Variants in UBAP2 observed in about 807,000 individuals in gnomAD.
UBAP2 encodes the protein ubiquitin associated protein 2.
In UBAP2, 75 loss-of-function variants were observed where a neutral mutation model predicts 139.6. The observed-to-expected ratio is 0.54, with a 90% CI of 0.45 to 0.65. The LOEUF is 0.65. Ranked by LOEUF, UBAP2 falls within the 30% of genes least tolerant of loss-of-function variation. The pLI is 0.00. For missense variants in UBAP2, 1,368 were observed against 1,369.6 expected (o/e 1.00, Z 0.02); for synonymous variants, 526 against 526.2 (o/e 1.00, Z 0.01).
At position 33,923,052 on chromosome 9, in the gene UBAP2, G is replaced by T. The variant is rs535934710; in HGVS notation, c.3005-19C>A. ...GATACTCCTAGGAGGAAAAGCAGTTGTTCCCCACAGCAGTTGTTCCCAGCT... is the reference window on the plus strand; with the variant it reads ...GATACTCCTAGGAGGAAAAGCAGTTTTTCCCCACAGCAGTTGTTCCCAGCT... On this transcript the variant is annotated intron_variant, in intron 26 of 28. Coordinates refer to ENST00000379238, the MANE Select transcript of UBAP2 (RefSeq NM_001370062.2). 10 of 1,614,068 alleles carry T rather than the reference G, an allele frequency of 6.2e-6. No homozygotes were observed. Among genetic ancestry groups the T allele is most frequent in the South Asian group, 1.1e-5 (1 of 91,086 alleles).
Position 33,922,322 on chromosome 9 carries a change from T to A in UBAP2, c.*182A>T, listed in dbSNP as rs1461461785. The stretch of plus-strand genomic sequence containing the variant: ...ACTCCCCCCCAGACTTCTATCACAT[T>A]TACAAATACATACATAAATACATTA... On this transcript the variant is annotated 3_prime_UTR_variant, in exon 29 of 29. Coordinates refer to ENST00000379238, the MANE Select transcript of UBAP2 (RefSeq NM_001370062.2). 1 of 627,088 alleles carries A rather than the reference T, an allele frequency of 1.6e-6. No individual in the cohort carries two copies. Among genetic ancestry groups the A allele is most frequent in the Non-Finnish European group, 2.8e-6 (1 of 360,082 alleles). 38.8% of individuals were successfully genotyped at this position (627,088 alleles called of 1,614,324 possible).
intron 1 of UBAP2, among the ~76,000 whole-genome samples, chr9:34,024,801 T>C (rs10122282): frequency 3.7e-4 from 57 of 152,170 alleles, no homozygotes; most frequent in African/African-American, 1.2e-3. Context: ...CTGGCAAACA[T>C]GGCGAAACCC....
intron 2 of UBAP2, among the ~76,000 whole-genome samples, chr9:34,012,416 AGCTAC>A (rs1823830486): frequency 6.6e-6 from 1 of 152,114 alleles, no homozygotes; most frequent in South Asian, 2.1e-4. Flanking sequence ...CTATAATCCC[AGCTAC>A]TCGGGAGGCT....
At chr9:33,944,923 C>G (rs1019329586) in intron 13 of UBAP2, among the ~76,000 whole-genome samples, 1 of 152,142 alleles carries the variant, frequency 6.6e-6, no homozygotes, top group Non-Finnish European at 1.5e-5. Flanking sequence ...TGACCATTAG[C>G]TAACAGAGAA....
chr9:33,976,218 C>T (rs1010608516), intron 6 of UBAP2, among the ~76,000 whole-genome samples: 1 of 151,774 alleles, frequency 6.6e-6, no homozygotes, highest in Admixed American at 6.6e-5. Context: ...ATTAAACAAG[C>T]TACAAAACAA....
At chr9:33,950,135 G>A (rs543087600) in intron 12 of UBAP2, among the ~76,000 whole-genome samples, 5 of 151,768 alleles carry the variant, frequency 3.3e-5, no homozygotes, top group Non-Finnish European at 7.4e-5. Flanking sequence ...GCGCGATCTC[G>A]GCTCACTGCA....
intron 5 of UBAP2, 105 bp from the exon 6 acceptor site, chr9:33,986,942 C>CA (rs1821268933): frequency 2.0e-6 from 2 of 988,408 alleles, no homozygotes; most frequent in African/African-American, 3.2e-5. Flanking sequence ...AAACAGGCTA[C>CA]AATTTAAACA....
intron 6 of UBAP2, among the ~76,000 whole-genome samples, chr9:33,982,886 T>G (rs984651248): frequency 2.6e-5 from 4 of 151,566 alleles, no homozygotes; most frequent in African/African-American, 7.3e-5. Context: ...TTTTGTTTTT[T>G]TTTTTTTGTT....
intron 1 of UBAP2, among the ~76,000 whole-genome samples, chr9:34,025,569 C>A (rs1299127154): frequency 6.6e-6 from 1 of 151,936 alleles, no homozygotes; most frequent in African/African-American, 2.4e-5. Context: ...ACAAAATCAG[C>A]AAAATATAAT....
chr9:33,949,706 T>A lies in UBAP2; in HGVS notation c.1057-1119A>T, dbSNP rs1463914160. ...TGACAGAGCTTAGACTCGTCTCTCA[T>A]GTGTGTGTGCGCGCATGCACGCGCA... On this transcript the variant is annotated intron_variant, in intron 12 of 28. Transcript: ENST00000379238. 5.2e-5 allele frequency among the ~76,000 whole-genome samples: 6 copies of A among 116,484 alleles called. No individual in the cohort carries two copies. The East Asian group carries it at 1.2e-3, about 23-fold the overall frequency. 76.4% of individuals were successfully genotyped at this position (116,484 alleles called of 152,430 possible).
intron 2 of UBAP2, among the ~76,000 whole-genome samples, chr9:34,015,674 T>C (rs1824187202): frequency 6.6e-6 from 1 of 152,056 alleles, no homozygotes; most frequent in Admixed American, 6.6e-5. Flanking sequence ...TCAAGCACTC[T>C]TCCTTGTGCT....
intron 22 of UBAP2, among the ~76,000 whole-genome samples, chr9:33,925,902 AG>A (rs1823388291): frequency 1.3e-5 from 2 of 152,222 alleles, no homozygotes; most frequent in South Asian, 4.1e-4. Context: ...GCAAGAAGAC[AG>A]TGGCTCCCAG....
chr9:34,019,382 G>A (rs928576554), intron 1 of UBAP2, among the ~76,000 whole-genome samples: 11 of 152,044 alleles, frequency 7.2e-5, no homozygotes, highest in South Asian at 4.2e-4. Context: ...CAGCCTGGGC[G>A]ACAGAGCAAA....
At chr9:33,980,234 T>C (rs1434133038) in intron 6 of UBAP2, among the ~76,000 whole-genome samples, 1 of 99,798 alleles carries the variant, frequency 1.0e-5, no homozygotes, top group Admixed American at 1.1e-4. Flanking sequence ...TTTTTTTTTT[T>C]TTTTTTTTTT....
intron 8 of UBAP2, among the ~76,000 whole-genome samples, chr9:33,969,921 C>CTTT (rs1173625005): frequency 1.7e-4 from 8 of 46,150 alleles, no homozygotes; most frequent in African/African-American, 2.7e-4. Flanking sequence ...GTGTATAATT[C>CTTT]TTTTTTTTTT....
chr9:33,944,514 G>A lies in UBAP2; in HGVS notation c.1396C>T (p.Arg466Ter), dbSNP rs757022773. Residue 466 changes from arginine to a stop codon, truncating the protein, a stop_gained, in exon 14 of 29, where the codon CGA becomes TGA. Coordinates refer to ENST00000379238, the MANE Select transcript of UBAP2 (RefSeq NM_001370062.2). LOFTEE classifies it high-confidence loss of function. The stretch of plus-strand genomic sequence containing the variant: ...GGACTGTCTCCAGGTGTTGATTCTC[G>A]AAGTTTTGCCTGGGAAGGAAAGGAC... ...LESFPSQAKL[R>*]ESTPGDSPST... The A allele has an allele frequency of 8.7e-6, 14 of 1,613,994 alleles. No homozygotes were observed. Among genetic ancestry groups the A allele is most frequent in the South Asian group, 2.2e-5 (2 of 91,078 alleles).
At chr9:33,958,360 C>A (rs1263346481) in intron 10 of UBAP2, among the ~76,000 whole-genome samples, 2 of 152,150 alleles carry the variant, frequency 1.3e-5, no homozygotes, top group East Asian at 3.9e-4. Flanking sequence ...ATGAGAACTA[C>A]TATAAACATT....
intron 2 of UBAP2, among the ~76,000 whole-genome samples, chr9:34,013,194 G>A (rs935701950): frequency 7.0e-6 from 1 of 143,136 alleles, no homozygotes; most frequent in Non-Finnish European, 1.5e-5. Flanking sequence ...GGAGATTTAA[G>A]TAACTCATCT....
chr9:34,026,651 T>C (rs1308664013), intron 1 of UBAP2, among the ~76,000 whole-genome samples: 1 of 152,212 alleles, frequency 6.6e-6, no homozygotes, highest in Non-Finnish European at 1.5e-5. Context: ...CCATTCACTA[T>C]GTGCCAGACA....
Sources: gnomAD v4.1 joint callset for allele counts (sites outside exome capture counted in the v4.1 genomes callset) on GRCh38, gnomAD v4.1.1 for gene constraint, MANE v1.5 for transcripts, NCBI Gene and HGNC (gene_info 2026-07-23, HGNC 2026-07-21) for gene names.